AVEN: variants seen among roughly 807,000 people sequenced by gnomAD.
AVEN encodes the protein apoptosis and caspase activation inhibitor, also known as cell death regulator Aven.
A neutral mutation model predicts 38.1 loss-of-function variants in AVEN; 41 were observed. The observed-to-expected ratio is 1.08, with a 90% confidence interval of 0.84 to 1.40. The LOEUF (loss-of-function observed/expected upper bound fraction) is 1.40, where lower values mean the gene tolerates loss of function less well. Among genes scored for constraint, AVEN ranks in the 40% most tolerant of loss-of-function variants. The pLI, the probability that AVEN is intolerant of heterozygous loss-of-function variation, is 0.00. For missense variants in AVEN, 605 were observed against 438.8 expected (o/e 1.38, Z -3.38); for synonymous variants, 206 against 171.8 (o/e 1.20, Z -1.56).
intron 2 of AVEN, among the ~76,000 whole-genome samples, chr15:33,937,130 C>CAAAAA (rs11284986): frequency 9.4e-6 from 1 of 106,296 alleles, no homozygotes; most frequent in Admixed American, 1.0e-4. Context: ...GACTTCAACT[C>CAAAAA]AAAAAAAAAA....
At chr15:33,879,565 A>T (rs1891397275) in intron 2 of AVEN, among the ~76,000 whole-genome samples, 1 of 152,192 alleles carries the variant, frequency 6.6e-6, no homozygotes, top group African/African-American at 2.4e-5. Context: ...TAAAATAAAA[A>T]AAAGAAGATA....
intron 1 of AVEN, among the ~76,000 whole-genome samples, chr15:34,022,463 C>T (rs1214141261): frequency 6.6e-6 from 1 of 152,132 alleles, no homozygotes; most frequent in Admixed American, 6.5e-5. Flanking sequence ...AAAGCTTTTA[C>T]CTTGTATTAG....
At chr15:34,016,500 TC>T (rs147738678) in intron 1 of AVEN, among the ~76,000 whole-genome samples, 3,042 of 152,112 alleles carry the variant, frequency 0.02, 96 homozygotes, top group African/African-American at 0.07. Context: ...TTTCCCCCTT[TC>T]CCTTCATACC....
intron 2 of AVEN, among the ~76,000 whole-genome samples, chr15:33,904,606 T>A (rs1597214754): frequency 6.7e-6 from 1 of 150,118 alleles, no homozygotes; most frequent in Non-Finnish European, 1.5e-5. Context: ...AGAGACGGAG[T>A]TTCACCATGT....
At chr15:34,070,193 C>T (rs1328053296) in intron 2 of AVEN, among the ~76,000 whole-genome samples, 8 of 152,136 alleles carry the variant, frequency 5.3e-5, no homozygotes, top group African/African-American at 1.9e-4. Flanking sequence ...CTTACTATCA[C>T]GAGAACAGCA....
intron 5 of AVEN, among the ~76,000 whole-genome samples, chr15:34,054,070 G>GA (rs899716941): frequency 1.0e-4 from 15 of 150,252 alleles, no homozygotes; most frequent in South Asian, 4.2e-4. Flanking sequence ...CAAAAAACGT[G>GA]AAAAAAAAAC....
At chr15:33,860,166 G>C (rs1301624121) in intron 11 of AVEN, among the ~76,000 whole-genome samples, 1 of 152,196 alleles carries the variant, frequency 6.6e-6, no homozygotes. Flanking sequence ...AATTTAGCTT[G>C]AGTCATGCTG....
chr15:33,976,455 C>A (rs1378897163), intron 2 of AVEN, among the ~76,000 whole-genome samples: 2 of 105,834 alleles, frequency 1.9e-5, no homozygotes, highest in Admixed American at 1.2e-4. Flanking sequence ...TACCCATGGA[C>A]TTATTACACA....
At position 33,904,695 on chromosome 15, in the gene AVEN, AT is replaced by A. The variant is rs1361637404; in HGVS notation, c.446-28701del. 5.9e-4 allele frequency among the ~76,000 whole-genome samples: 72 copies of A among 121,350 alleles called. No homozygotes were observed. In the South Asian group the frequency reaches 0.015, roughly 25 times the overall value. 79.6% of individuals were successfully genotyped at this position (121,350 alleles called of 152,430 possible). A position where few individuals can be genotyped will look rare whatever the true frequency, so the allele number is the denominator to read the frequency against. On this transcript the variant is annotated intron_variant, in intron 2 of 5. Coordinates refer to ENST00000306730, the MANE Select transcript of AVEN (RefSeq NM_020371.3). The stretch of plus-strand genomic sequence containing the variant: ...AGACTGTTTCTTTAAAAAAAAAAAA[AT>A]ATATATATATATATATATATACACA...
At chr15:33,865,400 A>G (rs1890165975), downstream of AVEN, 4 of 587,428 alleles carry the variant, frequency 6.8e-6, no homozygotes, top group Non-Finnish European at 1.2e-5. Context: ...TTTGTGCCTA[A>G]TGGACATACA....
At chr15:33,860,733 G>A (rs1362601659) in intron 11 of AVEN, 3 of 1,142,486 alleles carry the variant, frequency 2.6e-6, no homozygotes, top group Admixed American at 4.4e-5. Context: ...TTAAACAATA[G>A]GTTTTACTAT....
At chr15:34,012,946 T>C (rs1897696816) in intron 1 of AVEN, among the ~76,000 whole-genome samples, 2 of 152,238 alleles carry the variant, frequency 1.3e-5, no homozygotes. Flanking sequence ...ATCATTGTCA[T>C]GGTCTGTTTT....
At chr15:33,855,282 C>A (rs1297828817), downstream of AVEN, among the ~76,000 whole-genome samples, 1 of 152,076 alleles carries the variant, frequency 6.6e-6, no homozygotes, top group Non-Finnish European at 1.5e-5. Context: ...ACTGCAACCT[C>A]CGACTCCCAG....
intron 2 of AVEN, among the ~76,000 whole-genome samples, chr15:33,886,090 G>T (rs1450052867): frequency 6.6e-6 from 1 of 152,176 alleles, no homozygotes; most frequent in Non-Finnish European, 1.5e-5. Context: ...CTGGCTGCAT[G>T]TAACAAAGAC....
chr15:34,038,689 G>T (rs1361223965), intron 1 of AVEN, 91 bp downstream of exon 1: 31 of 1,075,876 alleles, frequency 2.9e-5, no homozygotes, highest in Non-Finnish European at 3.3e-5. Flanking sequence ...GCGCGCGCCT[G>T]GCACGCTCTC....
chr15:34,063,899 C>T lies in AVEN; in HGVS notation n.1127-467G>A, dbSNP rs781477467. On this transcript the variant is annotated intron_variant and non_coding_transcript_variant, in intron 4 of 11. Coordinates refer to the AVEN transcript ENST00000675287. This position sits in a 1 kb window ranked among gnomAD's most constrained non-coding sequence, Gnocchi z 4.1. Reference sequence around the variant, plus strand: ...AAGCTGACGGGAACCAGGAGACCAACAATGGCTGTCACAAGGTGAAAATCA... The same window carrying T: ...AAGCTGACGGGAACCAGGAGACCAATAATGGCTGTCACAAGGTGAAAATCA... 6 of 1,614,216 alleles carry T rather than the reference C, an allele frequency of 3.7e-6. 1 individual carries two copies. In the Admixed American group the frequency reaches 5.0e-5, roughly 13 times the overall value.
intron 2 of AVEN, among the ~76,000 whole-genome samples, chr15:33,933,631 C>A (rs142282842): frequency 6.6e-6 from 1 of 151,878 alleles, no homozygotes; most frequent in African/African-American, 2.4e-5. Context: ...CTCATACCCA[C>A]GCACCATGCT....
At chr15:33,893,859 G>A (rs776842609) in intron 2 of AVEN, among the ~76,000 whole-genome samples, 1 of 152,044 alleles carries the variant, frequency 6.6e-6, no homozygotes, top group Non-Finnish European at 1.5e-5. Flanking sequence ...GTGTGGTCAC[G>A]GTGTTCCATC....
At chr15:33,894,383 C>A (rs942502275) in intron 2 of AVEN, among the ~76,000 whole-genome samples, 1 of 151,912 alleles carries the variant, frequency 6.6e-6, no homozygotes, top group Non-Finnish European at 1.5e-5. Flanking sequence ...CACTGACAGG[C>A]CTTCATTAGG....
Sources: allele counts gnomAD v4.1 joint callset (sites outside exome capture counted in the v4.1 genomes callset), GRCh38; gene constraint gnomAD v4.1.1; non-coding constraint Gnocchi (gnomAD v3.1); transcripts MANE v1.5; gene names NCBI Gene and HGNC (gene_info 2026-07-23, HGNC 2026-07-21).